Variants in ELP4 observed in about 807,000 individuals in gnomAD.
The protein encoded by ELP4 is elongator complex protein 4.
A neutral mutation model predicts 48.9 loss-of-function variants in ELP4; 51 were observed. The observed-to-expected ratio is 1.04, with a 90% confidence interval of 0.83 to 1.32. The LOEUF (loss-of-function observed/expected upper bound fraction) is 1.32. Ranked by LOEUF, ELP4 falls within the 40% of genes most tolerant of loss-of-function variation. The pLI is 0.00. For missense variants in ELP4, 519 were observed against 514.6 expected (o/e 1.01, Z -0.08); for synonymous variants, 210 against 189.2 (o/e 1.11, Z -0.90).
intron 4 of ELP4, among the ~76,000 whole-genome samples, chr11:31,600,955 C>T (rs965864498): frequency 4.6e-5 from 7 of 152,218 alleles, no homozygotes; most frequent in East Asian, 1.9e-4. Flanking sequence ...TAAATTTTTA[C>T]TGAACCATTT....
At chr11:31,530,346 C>G (rs893947001) in intron 2 of ELP4, among the ~76,000 whole-genome samples, 1 of 151,998 alleles carries the variant, frequency 6.6e-6, no homozygotes, top group Non-Finnish European at 1.5e-5. Context: ...TTCATATGTA[C>G]GTAACAAAAA....
intron 3 of ELP4, among the ~76,000 whole-genome samples, chr11:31,552,828 T>C (rs1449291294): frequency 6.6e-6 from 1 of 152,136 alleles, no homozygotes; most frequent in Non-Finnish European, 1.5e-5. Context: ...CTAGCTAATA[T>C]TCTGTTACCT....
In ELP4 at chr11:31,781,488, C is replaced by CTTT. The variant is rs141365629; in HGVS notation, c.1144-1877_1144-1875dup. Among the ~76,000 whole-genome samples, 21 of 67,438 alleles carry CTTT rather than the reference C, an allele frequency of 3.1e-4. 1 individual carries two copies. The highest frequency in any genetic ancestry group is 4.9e-4 in the African/African-American group (7 of 14,224). 44.2% of individuals were successfully genotyped at this position (67,438 alleles called of 152,430 possible). ...ATACCTGCCTTTTGGATTCCTGAGCCTTTTTTTTTTTTTTTTTTTTTTTTT... is the reference window on the plus strand; with the variant it reads ...ATACCTGCCTTTTGGATTCCTGAGCCTTTTTTTTTTTTTTTTTTTTTTTTTTTT... On this transcript the variant is annotated intron_variant, in intron 9 of 9. Coordinates refer to ENST00000640961, the MANE Select transcript of ELP4 (RefSeq NM_019040.5).
intron 9 of ELP4, among the ~76,000 whole-genome samples, chr11:31,741,108 G>A (rs537727077): frequency 2.6e-5 from 4 of 152,266 alleles, no homozygotes; most frequent in Non-Finnish European, 4.4e-5. Context: ...TACCTGTCTC[G>A]GAGGGTCCTA....
intron 9 of ELP4, among the ~76,000 whole-genome samples, chr11:31,750,004 C>G (rs1947686169): frequency 6.6e-6 from 1 of 151,956 alleles, no homozygotes. Flanking sequence ...TACAGGTGCC[C>G]ACCACCGTGC....
chr11:31,545,571 T>C (rs1476961748), intron 3 of ELP4, among the ~76,000 whole-genome samples: 2 of 152,160 alleles, frequency 1.3e-5, no homozygotes, highest in East Asian at 1.9e-4. Flanking sequence ...CAGGATATTA[T>C]CCTGGAGAAC....
intron 3 of ELP4, among the ~76,000 whole-genome samples, chr11:31,588,766 T>C (rs946121531): frequency 2.0e-5 from 3 of 152,116 alleles, no homozygotes; most frequent in Non-Finnish European, 4.4e-5. Flanking sequence ...GCAGATCACT[T>C]GAGGTCAGGA....
intron 9 of ELP4, among the ~76,000 whole-genome samples, chr11:31,702,796 G>T (rs1359150234): frequency 6.6e-6 from 1 of 152,060 alleles, no homozygotes; most frequent in Non-Finnish European, 1.5e-5. Context: ...CCTTGTATAA[G>T]ATACTTAACT....
At chr11:31,550,265 A>G (rs1404929638) in intron 3 of ELP4, among the ~76,000 whole-genome samples, 2 of 152,158 alleles carry the variant, frequency 1.3e-5, no homozygotes, top group African/African-American at 2.4e-5. Context: ...TCATTTTGTA[A>G]AAATAAAGTC....
intron 5 of ELP4, among the ~76,000 whole-genome samples, chr11:31,626,667 A>G (rs1944750397): frequency 1.3e-5 from 2 of 151,860 alleles, no homozygotes; most frequent in Non-Finnish European, 2.9e-5. Context: ...GTTTGTTCTA[A>G]GAAAATTAAC....
intron 2 of ELP4, 151 bp from the exon 3 acceptor site, chr11:31,539,511 C>G: frequency 1.6e-6 from 1 of 623,842 alleles, no homozygotes; most frequent in Non-Finnish European, 2.6e-6. Context: ...GCCTATCTAT[C>G]TATGCCTCAG....
chr11:31,564,188 A>G (rs1957067272), intron 3 of ELP4, among the ~76,000 whole-genome samples: 1 of 152,174 alleles, frequency 6.6e-6, no homozygotes, highest in Admixed American at 6.5e-5. Context: ...AACTTACATT[A>G]TAAATTTCTG....
chr11:31,778,206 A>G (rs980913442), intron 9 of ELP4, among the ~76,000 whole-genome samples: 1 of 152,234 alleles, frequency 6.6e-6, no homozygotes, highest in Non-Finnish European at 1.5e-5. Context: ...CCATGCATGT[A>G]TACACTGGCC....
chr11:31,519,198 A>G (rs542549329), intron 1 of ELP4, among the ~76,000 whole-genome samples: 27 of 152,312 alleles, frequency 1.8e-4, no homozygotes, highest in Admixed American at 6.5e-4. Context: ...TTGAAATGGC[A>G]AATACATTCC....
intron 9 of ELP4, chr11:31,650,548 A>C (rs375734283): frequency 5.0e-6 from 1 of 200,980 alleles, no homozygotes; most frequent in South Asian, 1.8e-4. Flanking sequence ...AGCTGCGCTT[A>C]CTTGGGTGTG....
chr11:31,627,037 T>C, intron 5 of ELP4, 73 bp from the exon 6 acceptor site: 1 of 789,820 alleles, frequency 1.3e-6, no homozygotes, highest in Non-Finnish European at 2.2e-6. Flanking sequence ...ATTTACTTAA[T>C]GTTTTATCAT....
intron 9 of ELP4, chr11:31,719,982 C>A (rs1436326483): frequency 6.6e-6 from 1 of 152,136 alleles, no homozygotes; most frequent in Non-Finnish European, 1.5e-5. Context: ...TACATAATCA[C>A]TGGAATGGCC....
chr11:31,558,690 G>A (rs924765290), intron 3 of ELP4, among the ~76,000 whole-genome samples: 21 of 152,042 alleles, frequency 1.4e-4, no homozygotes, highest in South Asian at 4.2e-4. Flanking sequence ...ACCTTATTCC[G>A]GAGTTCCAAA....
At chr11:31,567,917 G>C (rs1957138132) in intron 3 of ELP4, among the ~76,000 whole-genome samples, 1 of 152,116 alleles carries the variant, frequency 6.6e-6, no homozygotes, top group Admixed American at 6.6e-5. Flanking sequence ...TACAGGTTGG[G>C]GTGACTGTGG....
Sources: gnomAD v4.1 joint callset for allele counts (sites outside exome capture counted in the v4.1 genomes callset) on GRCh38, gnomAD v4.1.1 for gene constraint, MANE v1.5 for transcripts, NCBI Gene and HGNC (gene_info 2026-07-23, HGNC 2026-07-21) for gene names.